The following CA10 variants were observed in gnomAD, a reference collection of about 807,000 sequenced individuals.
CA10 encodes the protein carbonic anhydrase 10 (inactive).
Under a neutral mutation model 44.2 loss-of-function variants are expected in CA10, and 14 were observed. That is an observed-to-expected ratio of 0.32 (90% CI 0.21 to 0.50). The LOEUF is 0.50. CA10 is among the 20% of genes least tolerant of loss of function. The pLI, the probability that CA10 is intolerant of heterozygous loss-of-function variation, is 0.99. For missense variants in CA10, 350 were observed against 409.7 expected, an observed-to-expected ratio of 0.85 and a Z score of 1.26; for synonymous variants, 159 against 141.6, an observed-to-expected ratio of 1.12 and a Z score of -0.87.
At chr17:52,126,914 CT>C (rs1049199074) in intron 1 of CA10, among the ~76,000 whole-genome samples, 1 of 152,132 alleles carries the variant, frequency 6.6e-6, no homozygotes, top group Non-Finnish European at 1.5e-5. Context: ...TTGATGTCAA[CT>C]TTTTTGAAAG....
At chr17:51,799,124 C>T (rs1906830078) in intron 3 of CA10, among the ~76,000 whole-genome samples, 1 of 152,134 alleles carries the variant, frequency 6.6e-6, no homozygotes, top group African/African-American at 2.4e-5. Flanking sequence ...GTACCACTTG[C>T]TGGTACTTTT....
At chr17:52,026,057 GAGA>G (rs1391047041) in intron 2 of CA10, among the ~76,000 whole-genome samples, 4 of 151,966 alleles carry the variant, frequency 2.6e-5, no homozygotes, top group African/African-American at 4.8e-5. Context: ...TTTAAATTGA[GAGA>G]AGAATAACAG....
intron 6 of CA10, among the ~76,000 whole-genome samples, chr17:51,641,206 T>C (rs1412968711): frequency 2.0e-5 from 3 of 151,706 alleles, no homozygotes; most frequent in Admixed American, 6.6e-5. Flanking sequence ...TACTTACCTG[T>C]CATATGAGAA....
At chr17:51,778,123 C>A (rs935063256) in intron 3 of CA10, among the ~76,000 whole-genome samples, 2 of 152,102 alleles carry the variant, frequency 1.3e-5, no homozygotes, top group African/African-American at 4.8e-5. Flanking sequence ...AGAGAGCTGT[C>A]TTGGGTAAAG....
chr17:51,927,053 GTC>G (rs1256728504), intron 3 of CA10, among the ~76,000 whole-genome samples: 3 of 152,130 alleles, frequency 2.0e-5, no homozygotes, highest in Non-Finnish European at 4.4e-5. Flanking sequence ...CTTCATCCCA[GTC>G]TCTTTTTTAG....
intron 3 of CA10, among the ~76,000 whole-genome samples, chr17:51,906,935 T>G (rs975002060): frequency 3.9e-5 from 6 of 152,186 alleles, no homozygotes; most frequent in African/African-American, 7.2e-5. Context: ...GATGACACAG[T>G]GGTTTCCTAG....
At chr17:51,808,216 TAG>T (rs1195197838) in intron 3 of CA10, among the ~76,000 whole-genome samples, 1 of 152,202 alleles carries the variant, frequency 6.6e-6, no homozygotes, top group African/African-American at 2.4e-5. Context: ...TAAAGTTTCT[TAG>T]AGAGTTTATA....
At chr17:52,108,123 T>G (rs1403128117) in intron 1 of CA10, among the ~76,000 whole-genome samples, 1 of 149,442 alleles carries the variant, frequency 6.7e-6, no homozygotes, top group Non-Finnish European at 1.5e-5. Context: ...AATGAATAAT[T>G]GTATTTGCTT....
At chr17:51,774,647 T>C (rs897248918) in intron 3 of CA10, among the ~76,000 whole-genome samples, 1 of 152,102 alleles carries the variant, frequency 6.6e-6, no homozygotes, top group Admixed American at 6.5e-5. Flanking sequence ...TTTCACCGTG[T>C]TGCCTAGGCT....
chr17:52,048,061 T>C (rs1261862954), intron 2 of CA10, among the ~76,000 whole-genome samples: 2 of 147,682 alleles, frequency 1.4e-5, no homozygotes, highest in Non-Finnish European at 3.0e-5. Flanking sequence ...AAAAAAAACA[T>C]TTGTTTTTGG....
Position 51,631,439 on chromosome 17 carries a change from CTT to C in CA10, c.*143_*144del. ...TTCCTCTGCCATGGTTTTGCAGACA[CTT>C]TTCATGAAGAAAGGGCCAATCCCAA... On this transcript the variant is annotated 3_prime_UTR_variant, in exon 9 of 9. Transcript: ENST00000451037. 4 of 789,386 alleles carry C rather than the reference CTT, an allele frequency of 5.1e-6. No homozygotes were observed. The highest frequency in any genetic ancestry group is 4.6e-5 in the South Asian group (3 of 65,332). 48.9% of individuals were successfully genotyped at this position (789,386 alleles called of 1,614,324 possible).
At position 52,108,736 on chromosome 17, in the gene CA10, G is replaced by T. The variant is rs1010986295; in HGVS notation, c.62-36343C>A. 2.1e-5 allele frequency among the ~76,000 whole-genome samples: 3 copies of T among 143,456 alleles called. No individual in the cohort carries two copies. The Admixed American group carries it at 2.1e-4, about 10-fold the overall frequency. The allele number at this position is 143,456 out of a possible 152,430, so 94.1% of individuals were successfully genotyped here. A position where few individuals can be genotyped will look rare whatever the true frequency, so the allele number is the denominator to read the frequency against. On this transcript the variant is annotated intron_variant, in intron 1 of 8. Transcript: ENST00000451037. ...AAAAAAAAAAAAAAAAAAGAATGAT[G>T]CAATGAGATTTGAGGACTTCGGGGG...
intron 1 of CA10, among the ~76,000 whole-genome samples, chr17:52,117,224 A>C (rs981017809): frequency 6.6e-6 from 1 of 152,152 alleles, no homozygotes; most frequent in Non-Finnish European, 1.5e-5. Context: ...CCCCTAAGAT[A>C]ATTTCTGATG....
At chr17:52,126,320 T>C (rs1313054763) in intron 1 of CA10, among the ~76,000 whole-genome samples, 2 of 152,222 alleles carry the variant, frequency 1.3e-5, no homozygotes, top group Non-Finnish European at 2.9e-5. Flanking sequence ...AGTATATGCC[T>C]TTATTGTTAT....
At chr17:51,980,411 T>C (rs1984614894) in intron 2 of CA10, among the ~76,000 whole-genome samples, 3 of 152,110 alleles carry the variant, frequency 2.0e-5, no homozygotes, top group Admixed American at 6.6e-5. Context: ...TCCTTATATA[T>C]ATTGGGTATT....
chr17:51,792,619 G>A (rs1332448594), intron 3 of CA10, among the ~76,000 whole-genome samples: 2 of 152,016 alleles, frequency 1.3e-5, no homozygotes, highest in Middle Eastern at 3.2e-3. Context: ...AAATGAACCG[G>A]TAGCTATTAA....
At chr17:52,081,799 CAAAAAAAAAA>C (rs10707842) in intron 1 of CA10, among the ~76,000 whole-genome samples, 2 of 78,332 alleles carry the variant, frequency 2.6e-5, no homozygotes, top group Non-Finnish European at 5.1e-5. Flanking sequence ...GACTCCGTCT[CAAAAAAAAAA>C]AAAAAAAAAA....
intron 6 of CA10, among the ~76,000 whole-genome samples, chr17:51,647,974 G>A (rs1380215908): frequency 6.6e-6 from 1 of 152,196 alleles, no homozygotes; most frequent in Non-Finnish European, 1.5e-5. Flanking sequence ...CCCAGCCTCT[G>A]CAGATGGGAG....
chr17:52,074,595 T>A (rs1442203487), intron 1 of CA10, among the ~76,000 whole-genome samples: 1 of 97,874 alleles, frequency 1.0e-5, no homozygotes, highest in Non-Finnish European at 2.0e-5. Context: ...CCCAAATAAA[T>A]ATACACTTAG....
Sources: gnomAD v4.1 joint callset for allele counts (sites outside exome capture counted in the v4.1 genomes callset) on GRCh38, gnomAD v4.1.1 for gene constraint, MANE v1.5 for transcripts, NCBI Gene and HGNC (gene_info 2026-07-23, HGNC 2026-07-21) for gene names.